Variants in NDUFS1 observed in about 807,000 individuals in gnomAD.
The protein encoded by NDUFS1 is NADH-ubiquinone oxidoreductase 75 kDa subunit, mitochondrial.
In NDUFS1, 61 loss-of-function variants were observed where a neutral mutation model predicts 84.4. The observed-to-expected ratio is 0.72, with a 90% CI of 0.59 to 0.89. The LOEUF is 0.89. Ranked by LOEUF, NDUFS1 falls within the 40% of genes least tolerant of loss-of-function variation. The pLI, the probability that NDUFS1 is intolerant of heterozygous loss-of-function variation, is 0.00. For missense variants in NDUFS1, 891 were observed against 890.0 expected (o/e 1.00, Z -0.01); for synonymous variants, 275 against 290.0 (o/e 0.95, Z 0.53).
intron 14 of NDUFS1, among the ~76,000 whole-genome samples, chr2:206,130,513 C>A (rs1004407968): frequency 6.6e-6 from 1 of 152,096 alleles, no homozygotes; most frequent in Non-Finnish European, 1.5e-5. Flanking sequence ...TGCCACCACA[C>A]CCGGCTAATT....
intron 12 of NDUFS1, 115 bp from the exon 13 acceptor site, chr2:206,138,729 T>C (rs1691820930): frequency 8.8e-7 from 1 of 1,142,400 alleles, no homozygotes; most frequent in East Asian, 2.4e-5. Context: ...GCACAGACAA[T>C]ACATTTAACA....
Position 206,133,059 on chromosome 2 carries a change from G to A in NDUFS1, c.1439C>T (p.Ala480Val), listed in dbSNP as rs1188557435. ...TGCTGCTCCATCATTTCTTTGGAGTGCAGAACTGCCTAAAACCACCATTGG... is the reference window on the plus strand; with the variant it reads ...TGCTGCTCCATCATTTCTTTGGAGTACAGAACTGCCTAAAACCACCATTGG... ...KKPMVVLGSS[A>V]LQRNDGAAIL... The change falls in exon 14 of 19, where the codon GCA becomes GTA. Residue 480 changes from alanine (A) to valine (V), a missense_variant. Transcript: ENST00000233190. 1 of 1,613,508 alleles carries A rather than the reference G, an allele frequency of 6.2e-7. No individual in the cohort carries two copies. Among genetic ancestry groups the A allele is most frequent in the Non-Finnish European group, 8.5e-7 (1 of 1,179,834 alleles).
intron 13 of NDUFS1, among the ~76,000 whole-genome samples, chr2:206,138,100 T>C (rs961502398): frequency 1.3e-5 from 2 of 152,202 alleles, no homozygotes; most frequent in African/African-American, 4.8e-5. Flanking sequence ...TGTAAGTTTT[T>C]TTGGGGGTGG....
chr2:206,145,732 C>A (rs1166248000), intron 8 of NDUFS1, among the ~76,000 whole-genome samples: 2 of 152,154 alleles, frequency 1.3e-5, no homozygotes, highest in African/African-American at 2.4e-5. Flanking sequence ...TCCTATGCTC[C>A]TCTCCACCCC....
chr2:206,157,405 A>T (rs1386654933), intron 1 of NDUFS1, among the ~76,000 whole-genome samples: 2 of 152,180 alleles, frequency 1.3e-5, no homozygotes, highest in Non-Finnish European at 2.9e-5. Flanking sequence ...AGGAATTTGG[A>T]CATTTCCCTT....
At chr2:206,131,862 T>C (rs1691523959) in intron 14 of NDUFS1, among the ~76,000 whole-genome samples, 2 of 151,642 alleles carry the variant, frequency 1.3e-5, no homozygotes, top group Admixed American at 6.6e-5. Context: ...TTGCTTGAAC[T>C]TCAGGGATGG....
At chr2:206,127,048 C>T (rs1002853187) in intron 16 of NDUFS1, among the ~76,000 whole-genome samples, 3 of 152,286 alleles carry the variant, frequency 2.0e-5, no homozygotes, top group African/African-American at 7.2e-5. Context: ...GCTGTCAGTA[C>T]ATTAGTGACT....
intron 1 of NDUFS1, chr2:206,159,073 G>C: frequency 6.5e-7 from 1 of 1,535,480 alleles, no homozygotes; most frequent in East Asian, 2.4e-5. Context: ...TCCCTGCAGA[G>C]GGAAGGTCAC....
At position 206,124,214 on chromosome 2, in the gene NDUFS1, G is replaced by A; in HGVS notation, c.2155C>T (p.Gln719Ter). The A allele has an allele frequency of 6.2e-7, 1 of 1,613,086 alleles. No homozygotes were observed. The highest frequency in any genetic ancestry group is 1.7e-5 in the Admixed American group (1 of 59,990). Residue 719 changes from glutamine (Q) to a stop codon, truncating the protein, a stop_gained, in exon 19 of 19, where the codon CAG (glutamine) becomes TAG (stop). Transcript: ENST00000233190. LOFTEE classifies it high-confidence loss of function. The part of the protein sequence containing the change: ...KCVKAVTEGA[Q>*]AVEEPSIC The stretch of plus-strand genomic sequence containing the variant: ...CATATGGATGGTTCCTCTACTGCCT[G>A]GGCACCCTCTGTGACAGCTTTGACA...
In NDUFS1 at chr2:206,149,106, C is replaced by T; in HGVS notation, c.262-10G>A. 6.3e-7 allele frequency: 1 copy of T among 1,577,730 alleles called. No individual in the cohort carries two copies. The highest frequency in any genetic ancestry group is 8.6e-7 in the Non-Finnish European group (1 of 1,161,446). On this transcript the variant is annotated splice_polypyrimidine_tract_variant and intron_variant, in intron 4 of 18. Transcript: ENST00000233190. ...CACAAGCAGCTACAACCTGGGATTT[C>T]AATGAAAAAAAAAAATGTGTATTTG...
intron 13 of NDUFS1, among the ~76,000 whole-genome samples, chr2:206,137,100 A>G (rs1319691772): frequency 6.6e-6 from 1 of 152,156 alleles, no homozygotes; most frequent in Non-Finnish European, 1.5e-5. Flanking sequence ...TATATTCTAA[A>G]ATAAAGAGAA....
At position 206,123,652 on chromosome 2, in the gene NDUFS1, T is replaced by A. The variant is rs1367992686; in HGVS notation, c.*533A>T. 6.5e-6 allele frequency: 1 copy of A among 152,946 alleles called. No individual in the cohort carries two copies. The highest frequency in any genetic ancestry group is 1.9e-4 in the East Asian group (1 of 5,230). 9.5% of individuals were successfully genotyped at this position (152,946 alleles called of 1,614,324 possible). On this transcript the variant is annotated 3_prime_UTR_variant, in exon 19 of 19. Coordinates refer to ENST00000233190, the MANE Select transcript of NDUFS1 (RefSeq NM_005006.7). ...GGGTTGTAGCAAGAACAAAAGAAGA[T>A]AATGCATGTAAAACCAGAGTGCTTA...
intron 14 of NDUFS1, among the ~76,000 whole-genome samples, chr2:206,132,321 C>T (rs571637122): frequency 2.0e-5 from 3 of 151,672 alleles, no homozygotes; most frequent in Non-Finnish European, 4.4e-5. Flanking sequence ...CAGTGGCTCA[C>T]GCTTATAATC....
intron 10 of NDUFS1, 97 bp from the exon 11 acceptor site, chr2:206,142,928 CA>C (rs1692019401): frequency 6.6e-7 from 1 of 1,507,128 alleles, no homozygotes; most frequent in South Asian, 1.2e-5. Context: ...TTTTCAAGTA[CA>C]AAAAAAGTTA....
At position 206,149,933 on chromosome 2, in the gene NDUFS1, TAAAA is replaced by T. The variant is rs568965659; in HGVS notation, c.154-12_154-9del. On this transcript the variant is annotated splice_polypyrimidine_tract_variant and intron_variant, in intron 3 of 18. Coordinates refer to ENST00000233190, the MANE Select transcript of NDUFS1 (RefSeq NM_005006.7). ...GCCAACCTTCTCACAAGCCTAGAAG[TAAAA>T]AAAAAAAAAAAAAAAAAAAAAGCAT... 36,357 of 576,878 alleles carry T rather than the reference TAAAA, an allele frequency of 0.063. 89 individuals are homozygous for T. The highest frequency in any genetic ancestry group is 0.095 in the Middle Eastern group (170 of 1,792). 35.7% of individuals were successfully genotyped at this position (576,878 alleles called of 1,614,324 possible).
intron 4 of NDUFS1, 22 bp from the exon 5 acceptor site, chr2:206,149,118 A>G: frequency 6.4e-7 from 1 of 1,572,416 alleles, no homozygotes; most frequent in Non-Finnish European, 8.7e-7. Context: ...ATGAAAAAAA[A>G]AAATGTGTAT....
In NDUFS1 at chr2:206,142,757, G is replaced by A. The variant is rs112026097; in HGVS notation, c.1062C>T (p.Leu354=). ...GLVDAEALVA[L]KDLLNRVDSD... is the part of the protein sequence containing the mutation. ...AGTCCACTCTATTAAGCAAATCTTTGAGAGCTACCAGGGCTTCAGCATCCA... is the reference window on the plus strand; with the variant it reads ...AGTCCACTCTATTAAGCAAATCTTTAAGAGCTACCAGGGCTTCAGCATCCA... Residue 354 remains leucine, a synonymous_variant, in exon 11 of 19, where the codon CTC becomes CTT. Transcript: ENST00000233190. The A allele has an allele frequency of 6.2e-4, 1,006 of 1,614,136 alleles. 8 individuals carry two copies. The African/African-American group carries it at 0.012, about 19-fold the overall frequency.
In NDUFS1 at chr2:206,125,935, AG is replaced by A. The variant is rs563243465; in HGVS notation, c.2092+603del. ...GAGCATAGGTATTATTTTACAATGA[AG>A]GTAATCTTTATTATCTAACTAAAAT... On this transcript the variant is annotated intron_variant, in intron 18 of 18. Coordinates refer to ENST00000233190, the MANE Select transcript of NDUFS1 (RefSeq NM_005006.7). Among the ~76,000 whole-genome samples, 500 of 152,328 alleles carry A rather than the reference AG, an allele frequency of 3.3e-3. 4 individuals carry two copies. Among genetic ancestry groups the A allele is most frequent in the African/African-American group, 0.011 (464 of 41,578 alleles).
chr2:206,148,847 C>T (rs540150094), intron 5 of NDUFS1, among the ~76,000 whole-genome samples, 173 bp downstream of exon 5: 53 of 152,250 alleles, frequency 3.5e-4, no homozygotes, highest in African/African-American at 1.3e-3. Context: ...CCATAAACTC[C>T]TGACTTCACC....
Sources: gnomAD v4.1 joint callset for allele counts (sites outside exome capture counted in the v4.1 genomes callset) on GRCh38, gnomAD v4.1.1 for gene constraint, MANE v1.5 for transcripts, NCBI Gene and HGNC (gene_info 2026-07-23, HGNC 2026-07-21) for gene names.